The following HMGCLL1 variants were observed in gnomAD, a reference collection of about 807,000 sequenced individuals.
HMGCLL1 encodes 3-hydroxymethyl-3-methylglutaryl-CoA lyase, cytoplasmic.
A neutral mutation model predicts 39.1 loss-of-function variants in HMGCLL1; 36 were observed. That is an observed-to-expected ratio of 0.92 (90% CI 0.71 to 1.22). The LOEUF (loss-of-function observed/expected upper bound fraction) is 1.22. HMGCLL1 is among the 50% of genes most tolerant of loss of function. The probability of loss-of-function intolerance (pLI) is 0.00; values close to 1 mark genes in which losing one functional copy is unlikely to be tolerated. For synonymous variants in HMGCLL1, 149 were observed against 144.0 expected (o/e 1.03, Z -0.25); for missense variants, 451 against 416.5 (o/e 1.08, Z -0.72).
intron 1 of HMGCLL1, among the ~76,000 whole-genome samples, chr6:55,551,411 T>C (rs1245042268): frequency 6.6e-6 from 1 of 151,940 alleles, no homozygotes; most frequent in East Asian, 1.9e-4. Flanking sequence ...GAACAGGCCT[T>C]ACTGCATCTT....
the HMGCLL1 span, among the ~76,000 whole-genome samples, chr6:55,639,283 C>A: frequency 6.6e-6 from 1 of 151,704 alleles, no homozygotes; most frequent in Non-Finnish European, 1.5e-5. Flanking sequence ...ACTAGCAGGA[C>A]AGTACCTTAT....
chr6:55,667,022 C>T, the HMGCLL1 span, among the ~76,000 whole-genome samples: 9 of 151,380 alleles, frequency 5.9e-5, no homozygotes, highest in Non-Finnish European at 1.2e-4. Context: ...TTGACCTTTG[C>T]CCGGCCTTCT....
the HMGCLL1 span, among the ~76,000 whole-genome samples, chr6:55,602,864 C>T: frequency 6.6e-6 from 1 of 151,994 alleles, no homozygotes; most frequent in African/African-American, 2.4e-5. Flanking sequence ...AATAACATTT[C>T]TTGTTTAAAG....
chr6:55,469,332 A>G (rs189833691), intron 7 of HMGCLL1, among the ~76,000 whole-genome samples: 3 of 149,876 alleles, frequency 2.0e-5, no homozygotes, highest in African/African-American at 7.3e-5. Flanking sequence ...TTATGCAGTG[A>G]TCCTAAAGGT....
chr6:55,610,138 C>T, the HMGCLL1 span, among the ~76,000 whole-genome samples: 2 of 152,038 alleles, frequency 1.3e-5, no homozygotes, highest in African/African-American at 2.4e-5. Context: ...TCCAAATGAT[C>T]GCAATGCCTC....
At chr6:55,477,216 TTATAATATATAA>T (rs1344182793) in intron 7 of HMGCLL1, among the ~76,000 whole-genome samples, 1 of 14,260 alleles carries the variant, frequency 7.0e-5, no homozygotes, top group African/African-American at 5.7e-4. Flanking sequence ...ATATATTATA[TTATAATATATAA>T]TATATATTAT....
chr6:55,502,334 T>C (rs1350398045), intron 5 of HMGCLL1, among the ~76,000 whole-genome samples: 1 of 151,782 alleles, frequency 6.6e-6, no homozygotes, highest in Admixed American at 6.6e-5. Context: ...ATTTTACTAT[T>C]AGCTATCTCA....
intron 3 of HMGCLL1, among the ~76,000 whole-genome samples, chr6:55,519,888 T>C (rs948611900): frequency 6.6e-6 from 1 of 152,084 alleles, no homozygotes; most frequent in African/African-American, 2.4e-5. Context: ...TCTTGGCCTA[T>C]ATTTAATTCA....
At position 55,524,477 on chromosome 6, in the gene HMGCLL1, A is replaced by AAAAC. The variant is rs1198757379; in HGVS notation, c.298-7875_298-7874insGTTT. ...TTTATAGTCTTTAAAAAAAAAAAAAAAACGGGATCCTCCAAATTGATGTAT... is the reference window on the plus strand; with the variant it reads ...TTTATAGTCTTTAAAAAAAAAAAAAAAAACAACGGGATCCTCCAAATTGATGTAT... On this transcript the variant is annotated intron_variant, in intron 3 of 8. Transcript: ENST00000274901. Among the ~76,000 whole-genome samples the AAAAC allele has an allele frequency of 4.7e-5, 7 of 150,104 alleles. No homozygotes were observed. The South Asian group carries it at 8.3e-4, about 18-fold the overall frequency.
chr6:55,511,440 C>G (rs897074391), intron 5 of HMGCLL1, among the ~76,000 whole-genome samples: 1 of 151,948 alleles, frequency 6.6e-6, no homozygotes, highest in Admixed American at 6.6e-5. Flanking sequence ...TTAACAATAG[C>G]CTTCATAACT....
chr6:55,512,935 A>T (rs557114962), intron 5 of HMGCLL1: 1 of 152,240 alleles, frequency 6.6e-6, no homozygotes, highest in Non-Finnish European at 1.5e-5. Context: ...TTAGAAACAA[A>T]TTCTTCCTTA....
Position 55,435,003 on chromosome 6 carries a change from G to C in HMGCLL1, c.*659C>G, listed in dbSNP as rs1364061613. 6.6e-6 allele frequency: 1 copy of C among 152,514 alleles called. No individual in the cohort carries two copies. The highest frequency in any genetic ancestry group is 1.5e-5 in the Non-Finnish European group (1 of 68,006). The allele number at this position is 152,514 out of a possible 1,614,324, so 9.4% of individuals were successfully genotyped here. A position where few individuals can be genotyped will look rare whatever the true frequency, so the allele number is the denominator to read the frequency against. ...GATGACAGGTAAAGTGTGGTAAACT[G>C]GATGCATGTAACAAACATGGGAGGT... On this transcript the variant is annotated 3_prime_UTR_variant, in exon 9 of 9. Coordinates refer to ENST00000274901, the MANE Select transcript of HMGCLL1 (RefSeq NM_001042406.2).
chr6:55,571,631 C>G (rs1353663379), intron 1 of HMGCLL1, among the ~76,000 whole-genome samples: 1 of 151,572 alleles, frequency 6.6e-6, no homozygotes, highest in Non-Finnish European at 1.5e-5. Context: ...CGGTGAAACC[C>G]CATCTCTACT....
At chr6:55,645,900 C>A in the HMGCLL1 span, among the ~76,000 whole-genome samples, 1 of 151,620 alleles carries the variant, frequency 6.6e-6, no homozygotes, top group East Asian at 1.9e-4. Flanking sequence ...GTAGTACTGG[C>A]CTCATATAAA....
At chr6:55,552,468 T>C (rs1770391564) in intron 1 of HMGCLL1, among the ~76,000 whole-genome samples, 1 of 151,998 alleles carries the variant, frequency 6.6e-6, no homozygotes. Flanking sequence ...AAATATATTT[T>C]CCATCCCTAG....
chr6:55,510,558 G>A (rs1305477394), intron 5 of HMGCLL1, among the ~76,000 whole-genome samples: 3 of 142,116 alleles, frequency 2.1e-5, no homozygotes, highest in African/African-American at 2.6e-5. Flanking sequence ...ACCAAACACC[G>A]CATGTTCTCA....
the HMGCLL1 span, among the ~76,000 whole-genome samples, chr6:55,668,647 C>G: frequency 6.6e-6 from 1 of 151,736 alleles, no homozygotes; most frequent in Non-Finnish European, 1.5e-5. Flanking sequence ...CTTTAATATC[C>G]TTGACCTGAA....
intron 3 of HMGCLL1, among the ~76,000 whole-genome samples, chr6:55,529,391 T>C (rs1010848634): frequency 7.2e-5 from 11 of 152,130 alleles, no homozygotes; most frequent in Non-Finnish European, 1.6e-4. Flanking sequence ...CTTACACTTC[T>C]TTCTGTAAGC....
intron 5 of HMGCLL1, among the ~76,000 whole-genome samples, chr6:55,510,456 C>G (rs1581876764): frequency 6.6e-6 from 1 of 151,248 alleles, no homozygotes; most frequent in South Asian, 2.1e-4. Context: ...GAATACTATG[C>G]AGCCATAAAA....
Sources: allele counts gnomAD v4.1 joint callset (sites outside exome capture counted in the v4.1 genomes callset), GRCh38; gene constraint gnomAD v4.1.1; transcripts MANE v1.5; gene names NCBI Gene and HGNC (gene_info 2026-07-23, HGNC 2026-07-21).